The following ARRDC1 variants were observed in gnomAD, a reference collection of about 807,000 sequenced individuals.
The protein encoded by ARRDC1 is arrestin domain containing 1, also known as arrestin domain-containing protein 1.
ARRDC1 carries 37 observed loss-of-function variants against 40.1 expected under a neutral mutation model. That is an observed-to-expected ratio of 0.92 (90% CI 0.71 to 1.21). The LOEUF (loss-of-function observed/expected upper bound fraction) is 1.21, where lower values mean the gene tolerates loss of function less well. Ranked by LOEUF, ARRDC1 falls within the 50% of genes most tolerant of loss-of-function variation. The probability of loss-of-function intolerance (pLI) is 0.00; values close to 1 mark genes in which losing one functional copy is unlikely to be tolerated. For synonymous variants in ARRDC1, 310 were observed against 262.5 expected, an observed-to-expected ratio of 1.18 and a Z score of -1.75; for missense variants, 641 against 581.9, an observed-to-expected ratio of 1.10 and a Z score of -1.04.
intron 4 of ARRDC1, 117 bp downstream of exon 4, chr9:137,613,886 A>G (rs1842594747): frequency 7.8e-6 from 12 of 1,529,790 alleles, no homozygotes; most frequent in East Asian, 2.3e-5. Flanking sequence ...GAGGGGGGCC[A>G]GGGTCTGGAG....
chr9:137,609,146 A>G (rs922185951), intron 1 of ARRDC1, among the ~76,000 whole-genome samples: 1 of 152,110 alleles, frequency 6.6e-6, no homozygotes. Flanking sequence ...GACCTGTCCC[A>G]CTCTTTGCCA....
chr9:137,613,123 A>G lies in ARRDC1; in HGVS notation c.229+117A>G, dbSNP rs757639815. 26 of 888,350 alleles carry G rather than the reference A, an allele frequency of 2.9e-5. No homozygotes were observed. The South Asian group carries it at 3.6e-4, about 12-fold the overall frequency. 55.0% of individuals were successfully genotyped at this position (888,350 alleles called of 1,614,324 possible). A position where few individuals can be genotyped will look rare whatever the true frequency, so the allele number is the denominator to read the frequency against. ...TGCCTCTTGGATCTGGCACTGGCCC[A>G]TCTTGTCCCAGGGTTGTGGGCCCTG... is the stretch of plus-strand genomic sequence containing the variant. On this transcript the variant is annotated intron_variant, in intron 2 of 7. Coordinates refer to ENST00000371421, the MANE Select transcript of ARRDC1 (RefSeq NM_152285.4).
At chr9:137,612,430 T>C (rs887119187) in intron 1 of ARRDC1, 1 of 192,624 alleles carries the variant, frequency 5.2e-6, no homozygotes, top group African/African-American at 2.4e-5. Flanking sequence ...TCTGGCCACA[T>C]TCCTGCAGCA....
At chr9:137,606,948 C>T (rs989177829) in intron 1 of ARRDC1, among the ~76,000 whole-genome samples, 14 of 152,194 alleles carry the variant, frequency 9.2e-5, no homozygotes, top group Non-Finnish European at 1.9e-4. Flanking sequence ...AGGGAAGGGA[C>T]GGCCCCGCGG....
chr9:137,610,300 A>G (rs1190490997), intron 1 of ARRDC1, among the ~76,000 whole-genome samples: 1 of 152,168 alleles, frequency 6.6e-6, no homozygotes, highest in Non-Finnish European at 1.5e-5. Flanking sequence ...GTTCTGTGCC[A>G]CCAGCTGGGA....
intron 3 of ARRDC1, 47 bp downstream of exon 3, chr9:137,613,557 G>A (rs756955962): frequency 1.1e-5 from 18 of 1,613,930 alleles, no homozygotes; most frequent in Non-Finnish European, 1.4e-5. Context: ...ACTGGTCCTG[G>A]GAGGTGGGCT....
intron 2 of ARRDC1, 89 bp downstream of exon 2, chr9:137,613,095 A>G (rs549774729): frequency 5.8e-5 from 60 of 1,038,486 alleles, no homozygotes; most frequent in Admixed American, 2.0e-4. Flanking sequence ...CCTTTCCTAG[A>G]TCTGCCTCTT....
rs1210190624 is a variant in ARRDC1, at chr9:137,605,881, G to T, written c.118+46G>T. 4 of 1,139,738 alleles carry T rather than the reference G, an allele frequency of 3.5e-6. No individual in the cohort carries two copies. The East Asian group carries it at 1.4e-4, about 39-fold the overall frequency. The allele number at this position is 1,139,738 out of a possible 1,614,324, so 70.6% of individuals were successfully genotyped here. On this transcript the variant is annotated intron_variant, in intron 1 of 7. Transcript: ENST00000371421. Reference sequence around the variant, plus strand: ...AGGGCCTTTGGCCGCACCTGCGCGGGGCCAGGGCTCCCGGAAGCGGCTGCC... The same window carrying T: ...AGGGCCTTTGGCCGCACCTGCGCGGTGCCAGGGCTCCCGGAAGCGGCTGCC...
chr9:137,609,400 A>G (rs1249906979), intron 1 of ARRDC1, among the ~76,000 whole-genome samples: 2 of 151,898 alleles, frequency 1.3e-5, no homozygotes, highest in Non-Finnish European at 2.9e-5. Flanking sequence ...AGGCCTGGCT[A>G]ATTTTGTATT....
At chr9:137,614,270 C>T (rs371483485) in intron 5 of ARRDC1, 29 bp from the exon 6 acceptor site, 96 of 1,578,688 alleles carry the variant, frequency 6.1e-5, no homozygotes, top group Middle Eastern at 1.7e-4. Context: ...TGGCAGCCTG[C>T]GCAGGCTCAC....
At position 137,615,245 on chromosome 9, in the gene ARRDC1, C is replaced by A; in HGVS notation, c.*107C>A. On this transcript the variant is annotated 3_prime_UTR_variant, in exon 8 of 8. Coordinates refer to ENST00000371421, the MANE Select transcript of ARRDC1 (RefSeq NM_152285.4). The stretch of plus-strand genomic sequence containing the variant: ...TAGCCTGGCCCACTCAGGACCTGCC[C>A]AGCCTCTGCCAGCTCCTCTGGCATC... 9.6e-7 allele frequency: 1 copy of A among 1,046,792 alleles called. No individual in the cohort carries two copies. The highest frequency in any genetic ancestry group is 1.3e-6 in the Non-Finnish European group (1 of 761,868). The allele number at this position is 1,046,792 out of a possible 1,614,324, so 64.8% of individuals were successfully genotyped here. A position where few individuals can be genotyped will look rare whatever the true frequency, so the allele number is the denominator to read the frequency against.
chr9:137,615,076 G>T lies in ARRDC1; in HGVS notation c.1240G>T (p.Ala414Ser). 6.3e-7 allele frequency: 1 copy of T among 1,599,186 alleles called. No individual in the cohort carries two copies. Among genetic ancestry groups the T allele is most frequent in the Non-Finnish European group, 8.5e-7 (1 of 1,171,848 alleles). Reference sequence around the variant, plus strand: ...CAGACCCTGCTTTCTTCCCGCAGAGGCCCCACCGTCTTATGAGCAGAGCTG... The same window carrying T: ...CAGACCCTGCTTTCTTCCCGCAGAGTCCCCACCGTCTTATGAGCAGAGCTG... ...EYSSWGYPYE[A>S]PPSYEQSCGG... is the part of the protein sequence containing the mutation. Residue 414 changes from alanine to serine, a missense_variant and splice_region_variant, in exon 8 of 8, where the codon GCC (alanine) becomes TCC (serine). Ala to Ser is a moderately conservative substitution (Grantham distance 99). Transcript: ENST00000371421.
chr9:137,606,816 C>T (rs1288675846), intron 1 of ARRDC1, among the ~76,000 whole-genome samples: 1 of 152,224 alleles, frequency 6.6e-6, no homozygotes, highest in East Asian at 1.9e-4. Flanking sequence ...AGATAGCACA[C>T]ACATCTCTTG....
chr9:137,605,974 C>T (rs1842415597), intron 1 of ARRDC1, 139 bp downstream of exon 1: 1 of 436,614 alleles, frequency 2.3e-6, no homozygotes. Context: ...GGGAAGCGGG[C>T]TCGGCGGCGC....
intron 6 of ARRDC1, 39 bp downstream of exon 6, chr9:137,614,514 T>C (rs1465545018): frequency 3.1e-6 from 5 of 1,613,042 alleles, no homozygotes; most frequent in Non-Finnish European, 4.2e-6. Context: ...TGAGGCCTAG[T>C]GGCCTTGGCC....
At position 137,612,954 on chromosome 9, in the gene ARRDC1, G is replaced by T. The variant is rs758727145; in HGVS notation, c.177G>T (p.Ala59=). Residue 59 remains alanine (A), a synonymous_variant, in exon 2 of 8, where the codon GCG becomes GCT. Coordinates refer to ENST00000371421, the MANE Select transcript of ARRDC1 (RefSeq NM_152285.4). ...TCTCCAACAAGGCTAATGACACAGC[G>T]TGGGTAGTGGAGGAGGGTTACTTCA... The part of the protein sequence containing the change: ...CGVSNKANDT[A]WVVEEGYFNS... 1 of 1,614,242 alleles carries T rather than the reference G, an allele frequency of 6.2e-7. No homozygotes were observed. The highest frequency in any genetic ancestry group is 1.1e-5 in the South Asian group (1 of 91,088).
intron 1 of ARRDC1, among the ~76,000 whole-genome samples, chr9:137,607,413 G>A (rs112558800): frequency 0.02 from 3,026 of 152,336 alleles, 98 homozygotes; most frequent in African/African-American, 0.069. Context: ...GTCGGTGACA[G>A]TCAGCACCCA....
In ARRDC1 at chr9:137,614,882, C is replaced by T. The variant is rs773426075; in HGVS notation, c.1119C>T (p.Pro373=). The T allele has an allele frequency of 1.2e-6, 2 of 1,613,764 alleles. No individual in the cohort carries two copies. Among genetic ancestry groups the T allele is most frequent in the Admixed American group, 1.7e-5 (1 of 60,014 alleles). The change falls in exon 7 of 8, where the codon CCC becomes CCT. Residue 373 remains proline, a synonymous_variant. Transcript: ENST00000371421. ...GSPASHPLHP[P]LCISTGATVP... ...CTGCCTCACACCCGCTGCACCCTCC[C>T]TTGTGCATTTCAACAGGTGCCACTG...
chr9:137,606,631 C>T (rs1268777154), intron 1 of ARRDC1, among the ~76,000 whole-genome samples: 2 of 152,236 alleles, frequency 1.3e-5, no homozygotes, highest in Admixed American at 6.5e-5. Context: ...GGTGCTGTGG[C>T]CCTGACCCTG....
Sources: allele counts gnomAD v4.1 joint callset (sites outside exome capture counted in the v4.1 genomes callset), GRCh38; gene constraint gnomAD v4.1.1; transcripts MANE v1.5; gene names NCBI Gene and HGNC (gene_info 2026-07-23, HGNC 2026-07-21).